The following GTPBP6 variants were observed in gnomAD, a reference collection of about 807,000 sequenced individuals.
The protein encoded by GTPBP6 is putative GTP-binding protein 6.
GTPBP6 carries 33 observed loss-of-function variants against 28.9 expected under a neutral mutation model. The ratio of observed to expected loss-of-function variants is 1.14; its 90% confidence interval spans 0.87 to 1.53. GTPBP6 has a LOEUF of 1.53. GTPBP6 is among the 40% of genes most tolerant of loss of function. GTPBP6 has a pLI of 0.00. For missense variants in GTPBP6, 507 were observed against 408.3 expected, an observed-to-expected ratio of 1.24 and a Z score of -2.08; for synonymous variants, 231 against 192.7, an observed-to-expected ratio of 1.20 and a Z score of -1.65.
intron 4 of GTPBP6, among the ~76,000 whole-genome samples, chrX:314,621 C>T (rs1230447262): frequency 3.3e-5 from 5 of 152,004 alleles, no homozygotes; most frequent in South Asian, 2.1e-4. Flanking sequence ...TTCAGGCGCC[C>T]GCCACCACGC....
exon 2 of GTPBP6, chrX:316,989 G>T (rs1285210022): frequency 1.9e-4 from 77 of 398,632 alleles, no homozygotes; most frequent in African/African-American, 1.4e-3. Flanking sequence ...ACCATTGTCT[G>T]CACCACGGAC....
At chrX:315,238 G>C (rs1304220437) in exon 3 of GTPBP6, 2 of 398,512 alleles carry the variant, frequency 5.0e-6, no homozygotes. Flanking sequence ...CCTTGGTCGG[G>C]GCAGCCATCC....
intron 7 of GTPBP6, 51 bp downstream of exon 7, chrX:311,368 C>T (rs2070291177): frequency 7.4e-7 from 1 of 1,357,980 alleles, no homozygotes; most frequent in Non-Finnish European, 1.0e-6. Flanking sequence ...TGCCCAGCCC[C>T]CGTGCCGAAT....
chrX:313,734 C>G (rs1049428319), intron 5 of GTPBP6, among the ~76,000 whole-genome samples: 3 of 147,514 alleles, frequency 2.0e-5, no homozygotes, highest in Non-Finnish European at 4.5e-5. Flanking sequence ...TGGAGTGACG[C>G]GGCCACAAAC....
At chrX:317,691 A>AC (rs2070463364) in intron 1 of GTPBP6, among the ~76,000 whole-genome samples, 2 of 6,806 alleles carry the variant, frequency 2.9e-4, no homozygotes, top group Admixed American at 1.2e-3. Flanking sequence ...GCCCCGGCCC[A>AC]CCCAACCCCA....
chrX:310,635 A>C (rs1221863836), intron 7 of GTPBP6, among the ~76,000 whole-genome samples: 3 of 150,364 alleles, frequency 2.0e-5, no homozygotes, highest in Non-Finnish European at 4.4e-5. Flanking sequence ...ACACAGACAC[A>C]GAGGAGAAGG....
At chrX:306,127 C>T (rs2070156991) in intron 9 of GTPBP6, among the ~76,000 whole-genome samples, 1 of 152,258 alleles carries the variant, frequency 6.6e-6, no homozygotes, top group African/African-American at 2.4e-5. Flanking sequence ...GATTAGGCAC[C>T]TGTTGTGCGC....
chrX:307,447 A>G, exon 9 of GTPBP6: 2 of 1,611,986 alleles, frequency 1.2e-6, no homozygotes, highest in Non-Finnish European at 1.7e-6. Flanking sequence ...CTCAGCTTTC[A>G]GCTCCTGGAG....
intron 6 of GTPBP6, chrX:312,560 A>T: frequency 4.3e-6 from 3 of 705,228 alleles, no homozygotes; most frequent in Non-Finnish European, 7.7e-6. Flanking sequence ...CACAGAGACC[A>T]CAGGAAACCC....
chrX:314,630 G>A (rs748971244), intron 4 of GTPBP6, among the ~76,000 whole-genome samples: 87 of 152,158 alleles, frequency 5.7e-4, no homozygotes, highest in Admixed American at 2.4e-3. Flanking sequence ...CCGCCACCAC[G>A]CCCGGCTAAT....
rs1335185529 is a variant in GTPBP6, at chrX:317,687, GCCCACCCAAC to G, written c.350-646_350-637del. On this transcript the variant is annotated intron_variant, in intron 1 of 9. Coordinates refer to ENST00000326153, the Ensembl canonical transcript of GTPBP6. ...GGTCCCATCGGCGAGAACCGCCCCG[GCCCACCCAAC>G]CCCACCCCACCCCACCCCACCCCAC... Among the ~76,000 whole-genome samples, 355 of 54,528 alleles carry G rather than the reference GCCCACCCAAC, an allele frequency of 6.5e-3. 5 individuals carry two copies. The highest frequency in any genetic ancestry group is 0.028 in the African/African-American group (334 of 11,884). 35.8% of individuals were successfully genotyped at this position (54,528 alleles called of 152,430 possible). A position where few individuals can be genotyped will look rare whatever the true frequency, so the allele number is the denominator to read the frequency against.
At chrX:316,492 A>G (rs1325409134) in intron 2 of GTPBP6, among the ~76,000 whole-genome samples, 6,912 of 152,114 alleles carry the variant, frequency 0.045, 363 homozygotes, top group African/African-American at 0.13. Flanking sequence ...TCCCAACTCT[A>G]CTGGAAGCGG....
exon 9 of GTPBP6, chrX:307,398 G>C (rs775187843): frequency 1.2e-6 from 2 of 1,612,492 alleles, no homozygotes; most frequent in Non-Finnish European, 1.7e-6. Flanking sequence ...GGAGAGTGAG[G>C]ATCTGTCTCC....
At chrX:308,470 C>A (rs73613842) in intron 7 of GTPBP6, among the ~76,000 whole-genome samples, 3,649 of 152,066 alleles carry the variant, frequency 0.024, 128 homozygotes, top group African/African-American at 0.082. Context: ...GGCTTGAGCC[C>A]AGAAGTTTGA....
chrX:306,371 G>A (rs1177781371), intron 9 of GTPBP6, among the ~76,000 whole-genome samples: 1 of 148,798 alleles, frequency 6.7e-6, no homozygotes, highest in Non-Finnish European at 1.5e-5. Context: ...TGTACATTTT[G>A]GCTGTCAAGC....
At chrX:312,961 G>A (rs754100027) in intron 5 of GTPBP6, 37 bp from the exon 6 acceptor site, 102 of 1,579,470 alleles carry the variant, frequency 6.5e-5, no homozygotes, top group Non-Finnish European at 8.3e-5. Flanking sequence ...GGTGAGCCAC[G>A]CCGGGAAAGG....
chrX:305,623 T>C (rs2070144804), intron 9 of GTPBP6, among the ~76,000 whole-genome samples: 1 of 119,286 alleles, frequency 8.4e-6, no homozygotes, highest in African/African-American at 3.7e-5. Flanking sequence ...GCCCGGCTTT[T>C]TATTTTTTAT....
At chrX:314,479 T>C (rs779343187) in intron 4 of GTPBP6, among the ~76,000 whole-genome samples, 2,037 of 149,588 alleles carry the variant, frequency 0.014, 23 homozygotes, top group Non-Finnish European at 0.02. Flanking sequence ...TTTTCTTCTT[T>C]TTTTTTTTTT....
intron 1 of GTPBP6, among the ~76,000 whole-genome samples, 172 bp from the exon 2 acceptor site, chrX:317,223 C>T (rs1479042515): frequency 1.3e-5 from 2 of 152,150 alleles, no homozygotes; most frequent in African/African-American, 2.4e-5. Flanking sequence ...AAGTAGGAAT[C>T]TGACGGGAGA....
Sources: allele counts gnomAD v4.1 joint callset (sites outside exome capture counted in the v4.1 genomes callset), GRCh38; gene constraint gnomAD v4.1.1; transcripts MANE v1.5; gene names NCBI Gene and HGNC (gene_info 2026-07-23, HGNC 2026-07-21).